GHRL: variants seen among roughly 807,000 people sequenced by gnomAD.
GHRL encodes appetite-regulating hormone.
In GHRL, 24 loss-of-function variants were observed where a neutral mutation model predicts 16.9. The observed-to-expected ratio is 1.42, with a 90% CI of 1.03 to 2.00. GHRL has a LOEUF of 2.00. Ranked by LOEUF, GHRL falls within the 30% of genes most tolerant of loss-of-function variation. GHRL has a pLI of 0.00. For synonymous variants in GHRL, 63 were observed against 58.2 expected (o/e 1.08, Z -0.37); for missense variants, 193 against 142.1 (o/e 1.36, Z -1.82).
At chr3:10,290,605 TC>T in intron 2 of GHRL, 110 bp downstream of exon 2, 1 of 357,412 alleles carries the variant, frequency 2.8e-6, no homozygotes, top group Non-Finnish European at 4.2e-6. Context: ...CAGTCCGACA[TC>T]CCCCGTGTTT....
At chr3:10,289,626 T>G in intron 4 of GHRL, 136 bp downstream of exon 4, 2 of 732,536 alleles carry the variant, frequency 2.7e-6, no homozygotes, top group Non-Finnish European at 5.0e-6. Flanking sequence ...AGAGCTCAAC[T>G]CCTGTGGTAC....
rs951657722 is a variant in GHRL, at chr3:10,291,008, G to A, written c.-322C>T. 26 of 985,434 alleles carry A rather than the reference G, an allele frequency of 2.6e-5. No homozygotes were observed. Among genetic ancestry groups the A allele is most frequent in the Non-Finnish European group, 3.1e-5 (26 of 829,906 alleles). 61.0% of individuals were successfully genotyped at this position (985,434 alleles called of 1,614,324 possible). ...GCATGGCCCTGGTGGAGGAGGGAGG[G>A]AGGAGAGTGGCTCTGGGGTCTGGGT... On this transcript the variant is annotated 5_prime_UTR_variant, in exon 2 of 6. Coordinates refer to ENST00000335542, the MANE Select transcript of GHRL (RefSeq NM_016362.5).
In GHRL at chr3:10,289,784, G is replaced by T; in HGVS notation, c.203C>A (p.Ala68Glu). ...GACCCGGACTTCCAGTTCATCCTCTGCCCCTTCTGCTTGACCTCCATCTTC... is the reference window on the plus strand; with the variant it reads ...GACCCGGACTTCCAGTTCATCCTCTTCCCCTTCTGCTTGACCTCCATCTTC... The part of the protein sequence containing the change: ...RPEDGGQAEG[A>E]EDELEVRFNA... The change falls in exon 4 of 6, where the codon GCA becomes GAA. Residue 68 changes from alanine to glutamate, a missense_variant. Physicochemically the swap from Ala to Glu is moderately radical, Grantham distance 107 (BLOSUM62 -1). Coordinates refer to ENST00000335542, the MANE Select transcript of GHRL (RefSeq NM_016362.5). The T allele has an allele frequency of 6.2e-7, 1 of 1,608,788 alleles. No individual in the cohort carries two copies.
intron 3 of GHRL, 36 bp from the exon 4 acceptor site, chr3:10,289,914 C>G (rs182039551): frequency 1.3e-6 from 2 of 1,531,544 alleles, no homozygotes; most frequent in Non-Finnish European, 1.8e-6. Flanking sequence ...GGACTCTAAG[C>G]CCCCATGTCC....
Position 10,289,421 on chromosome 3 carries a change from C to G in GHRL, c.225+341G>C, listed in dbSNP as rs1307941433. On this transcript the variant is annotated intron_variant, in intron 4 of 5. Coordinates refer to ENST00000335542, the MANE Select transcript of GHRL (RefSeq NM_016362.5). ...ATGGTTTTCTGCAGAGCAACATCTTCAGTCTGGGCCTGCCGTTTATTTCTG... is the reference window on the plus strand; with the variant it reads ...ATGGTTTTCTGCAGAGCAACATCTTGAGTCTGGGCCTGCCGTTTATTTCTG... Among the ~76,000 whole-genome samples the G allele has an allele frequency of 6.6e-5, 10 of 152,222 alleles. 1 individual carries two copies. The highest frequency in any genetic ancestry group is 2.2e-4 in the African/African-American group (9 of 41,466).
In GHRL at chr3:10,292,699, A is replaced by G. The variant is rs1700163953; in HGVS notation, c.-766+143T>C. ...TGGAGCCCAGAGAGGCTGAATGTGGAGAGGGTGGAGAGAGGTCTGTAGTCC... is the reference window on the plus strand; with the variant it reads ...TGGAGCCCAGAGAGGCTGAATGTGGGGAGGGTGGAGAGAGGTCTGTAGTCC... On this transcript the variant is annotated intron_variant, in intron 1 of 5. Transcript: ENST00000335542. The G allele has an allele frequency of 4.9e-6, 3 of 613,670 alleles. No individual in the cohort carries two copies. The East Asian group carries it at 9.2e-5, about 19-fold the overall frequency. The allele number at this position is 613,670 out of a possible 1,614,324, so 38.0% of individuals were successfully genotyped here.
At chr3:10,292,373 A>T (rs1427807447) in intron 1 of GHRL, 3 of 168,652 alleles carry the variant, frequency 1.8e-5, no homozygotes, top group Non-Finnish European at 3.8e-5. Context: ...ACGTCCAGTG[A>T]GGAGGACATT....
At chr3:10,292,094 G>C (rs1482139147) in intron 1 of GHRL, 1 of 152,210 alleles carries the variant, frequency 6.6e-6, no homozygotes, top group East Asian at 1.9e-4. Context: ...GATTCTTGAG[G>C]AGAGAGAGAC....
rs149447194 is a variant in GHRL, at chr3:10,286,807, G to A, written c.231C>T (p.Asn77=). Residue 77 remains asparagine (N), a synonymous_variant, in exon 5 of 6, where the codon AAC becomes AAT. Transcript: ENST00000335542. ...GAEDELEVRF[N]APFDVGIKLS... ...GCTTGATTCCAACATCAAAGGGGGCGTTGAACTAGGAGGCAGGGCAGGGAG... is the reference window on the plus strand; with the variant it reads ...GCTTGATTCCAACATCAAAGGGGGCATTGAACTAGGAGGCAGGGCAGGGAG... The A allele has an allele frequency of 2.6e-4, 415 of 1,599,314 alleles. 4 individuals carry two copies. The African/African-American group carries it at 4.6e-3, about 18-fold the overall frequency.
rs753863091 is a variant in GHRL at position 10,286,770 on chromosome 3, G to A, written c.268C>T (p.Gln90Ter). The change falls in exon 5 of 6, where the codon CAG becomes TAG. Residue 90 changes from glutamine (Q) to a stop codon, truncating the protein, a stop_gained. Coordinates refer to ENST00000335542, the MANE Select transcript of GHRL (RefSeq NM_016362.5). LOFTEE classifies it high-confidence loss of function. ...AGGGCCTGGCTGTGCTGCTGGTACT[G>A]AACCCCTGACAGCTTGATTCCAACA... ...FDVGIKLSGV[Q>*]YQQHSQALGK... 6.2e-7 allele frequency: 1 copy of A among 1,613,348 alleles called. No homozygotes were observed. Among genetic ancestry groups the A allele is most frequent in the Non-Finnish European group, 8.5e-7 (1 of 1,179,298 alleles).
rs568141766 is a variant in GHRL, at chr3:10,291,446, T to C, written c.-760A>G. 31 of 985,506 alleles carry C rather than the reference T, an allele frequency of 3.1e-5. No individual in the cohort carries two copies. In the Admixed American group the frequency reaches 4.9e-4, roughly 16 times the overall value. The allele number at this position is 985,506 out of a possible 1,614,324, so 61.0% of individuals were successfully genotyped here. ...ATGCCTCTTCTGAGAGGGAAGTGCATTGGACCTGGAGGTGGAAGATCTACG... is the reference window on the plus strand; with the variant it reads ...ATGCCTCTTCTGAGAGGGAAGTGCACTGGACCTGGAGGTGGAAGATCTACG... On this transcript the variant is annotated 5_prime_UTR_variant, in exon 2 of 6. It removes an upstream start codon present in the reference 5' UTR. Transcript: ENST00000335542.
At chr3:10,286,202 T>G (rs1699040835) in intron 5 of GHRL, among the ~76,000 whole-genome samples, 1 of 152,190 alleles carries the variant, frequency 6.6e-6, no homozygotes, top group Non-Finnish European at 1.5e-5. Context: ...GCCACCTCAA[T>G]CAGTTGGGCG....
Position 10,292,919 on chromosome 3 carries a change from G to C in GHRL, c.-843C>G. Reference sequence around the variant, plus strand: ...GACCACCAGCAAGTAAACATCCACTGTGCAAAGCTGTGTTATCTTTGGGGA... The same window carrying C: ...GACCACCAGCAAGTAAACATCCACTCTGCAAAGCTGTGTTATCTTTGGGGA... On this transcript the variant is annotated 5_prime_UTR_variant, in exon 1 of 6. Coordinates refer to ENST00000335542, the MANE Select transcript of GHRL (RefSeq NM_016362.5). The C allele has an allele frequency of 6.5e-7, 1 of 1,534,998 alleles. No homozygotes were observed. Among genetic ancestry groups the C allele is most frequent in the Non-Finnish European group, 8.8e-7 (1 of 1,137,570 alleles).
chr3:10,286,776 C>T lies in GHRL; in HGVS notation c.262G>A (p.Gly88Arg). ...APFDVGIKLS[G>R]VQYQQHSQAL... The stretch of plus-strand genomic sequence containing the variant: ...TGGCTGTGCTGCTGGTACTGAACCC[C>T]TGACAGCTTGATTCCAACATCAAAG... Residue 88 changes from glycine to arginine, a missense_variant, in exon 5 of 6, where the codon GGG becomes AGG. Gly to Arg is a moderately radical substitution (Grantham distance 125). Coordinates refer to ENST00000335542, the MANE Select transcript of GHRL (RefSeq NM_016362.5). 6.2e-7 allele frequency: 1 copy of T among 1,613,350 alleles called. No individual in the cohort carries two copies. The highest frequency in any genetic ancestry group is 8.5e-7 in the Non-Finnish European group (1 of 1,179,274).
At chr3:10,288,683 G>C (rs1038199837) in intron 4 of GHRL, among the ~76,000 whole-genome samples, 1 of 152,232 alleles carries the variant, frequency 6.6e-6, no homozygotes, top group African/African-American at 2.4e-5. Flanking sequence ...GCAGGGGCTG[G>C]GGGAGCTTCC....
At chr3:10,291,813 G>A (rs182885257) in intron 1 of GHRL, among the ~76,000 whole-genome samples, 16 of 152,264 alleles carry the variant, frequency 1.1e-4, no homozygotes, top group East Asian at 1.9e-4. Context: ...TGGGGCTTGC[G>A]GCAGGGATGT....
intron 4 of GHRL, 63 bp downstream of exon 4, chr3:10,289,699 T>A: frequency 9.2e-6 from 9 of 978,124 alleles, no homozygotes; most frequent in African/African-American, 1.6e-5. Flanking sequence ...CTCCCTGCCC[T>A]CCCTCTCCCC....
chr3:10,292,018 A>AT (rs1469147947), intron 1 of GHRL: 1 of 152,256 alleles, frequency 6.6e-6, no homozygotes. Context: ...GGGCCAGGTG[A>AT]TGGATGCCTT....
intron 4 of GHRL, 193 bp from the exon 5 acceptor site, chr3:10,287,005 C>G: frequency 1.9e-6 from 1 of 531,348 alleles, no homozygotes; most frequent in Non-Finnish European, 3.4e-6. Context: ...CACCTTCCCA[C>G]TCACCATCTT....
Sources: allele counts gnomAD v4.1 joint callset (sites outside exome capture counted in the v4.1 genomes callset), GRCh38; gene constraint gnomAD v4.1.1; transcripts MANE v1.5; gene names NCBI Gene and HGNC (gene_info 2026-07-23, HGNC 2026-07-21).